The following HIVEP3 variants were observed in gnomAD, a reference collection of about 807,000 sequenced individuals.
HIVEP3 encodes transcription factor HIVEP3.
HIVEP3 carries 49 observed loss-of-function variants against 152.8 expected under a neutral mutation model. The ratio of observed to expected loss-of-function variants is 0.32; its 90% CI spans 0.26 to 0.41. HIVEP3 has a LOEUF of 0.41. Among genes scored for constraint, HIVEP3 ranks in the 10% least tolerant of loss-of-function variants. The pLI is 1.00. For synonymous variants in HIVEP3, 1,269 were observed against 1,289.0 expected, an observed-to-expected ratio of 0.98 and a Z score of 0.33; for missense variants, 2,790 against 3,103.3, an observed-to-expected ratio of 0.90 and a Z score of 2.40.
chr1:41,608,064 A>T (rs1001479553), intron 3 of HIVEP3, among the ~76,000 whole-genome samples: 1 of 152,212 alleles, frequency 6.6e-6, no homozygotes, highest in South Asian at 2.1e-4. Flanking sequence ...GCCCTGCTAA[A>T]ATTTCCATCA....
At position 41,664,428 on chromosome 1, in the gene HIVEP3, C is replaced by T. The variant is rs1006266612; in HGVS notation, c.-720-35481G>A. ...AGAGGTGGCCTGGCCTCAAGGGACC[C>T]TCCCAATGGATTTGGTCACCTTCCA... is the stretch of plus-strand genomic sequence containing the variant. On this transcript the variant is annotated intron_variant, in intron 2 of 8. Transcript: ENST00000372583. The surrounding 1 kb of genome is among the most constrained non-coding windows in gnomAD (Gnocchi z 4.4). Among the ~76,000 whole-genome samples, 7 of 152,208 alleles carry T rather than the reference C, an allele frequency of 4.6e-5. No homozygotes were observed. Among genetic ancestry groups the T allele is most frequent in the Non-Finnish European group, 1.0e-4 (7 of 68,032 alleles).
At chr1:41,769,185 G>A (rs905703776) in intron 1 of HIVEP3, among the ~76,000 whole-genome samples, 4 of 152,214 alleles carry the variant, frequency 2.6e-5, no homozygotes, top group Admixed American at 1.3e-4. Flanking sequence ...AAACAACAGT[G>A]TATCAAAAGC....
At chr1:41,686,245 T>C (rs996743679) in intron 2 of HIVEP3, among the ~76,000 whole-genome samples, 1 of 152,076 alleles carries the variant, frequency 6.6e-6, no homozygotes, top group South Asian at 2.1e-4. Context: ...CTAATTCTTT[T>C]GTATTTTTAG....
intron 1 of HIVEP3, among the ~76,000 whole-genome samples, chr1:41,883,255 C>T (rs1053673254): frequency 6.6e-6 from 1 of 152,092 alleles, no homozygotes; most frequent in African/African-American, 2.4e-5. Context: ...GGGGCAGCTT[C>T]TCAGTGGTCC....
At chr1:41,820,089 G>C (rs570284712) in intron 1 of HIVEP3, among the ~76,000 whole-genome samples, 1 of 152,204 alleles carries the variant, frequency 6.6e-6, no homozygotes, top group African/African-American at 2.4e-5. Context: ...CCACCTGTTA[G>C]ATCAAGCTTT....
rs145048083 is a variant in HIVEP3 at position 41,902,836 on chromosome 1, C to T, written c.-801+15577G>A. 1.3e-3 allele frequency among the ~76,000 whole-genome samples: 191 copies of T among 152,258 alleles called. 1 individual carries two copies. The highest frequency in any genetic ancestry group is 4.3e-3 in the African/African-American group (177 of 41,544). ...TTTAGAATCGTTTCAGTTTCTATTCCGGTAAAGAATCCTTCAAAGAAAGAC... is the reference window on the plus strand; with the variant it reads ...TTTAGAATCGTTTCAGTTTCTATTCTGGTAAAGAATCCTTCAAAGAAAGAC... On this transcript the variant is annotated intron_variant, in intron 1 of 8. Coordinates refer to ENST00000372583, the MANE Select transcript of HIVEP3 (RefSeq NM_024503.5).
rs574610315 is a variant in HIVEP3, at chr1:42,018,023, G to T, written n.119+17784C>A. ...ATTTAATTTGCATTTCTCTGACAAT[G>T]AATGCAATTGATATAACTTTTAACA... On this transcript the variant is annotated intron_variant and non_coding_transcript_variant, in intron 1 of 3. Coordinates refer to the HIVEP3 transcript ENST00000489103. Among the ~76,000 whole-genome samples the T allele has an allele frequency of 2.5e-4, 38 of 152,192 alleles. No individual in the cohort carries two copies. In the South Asian group the frequency reaches 7.3e-3, roughly 29 times the overall value.
At chr1:41,899,655 T>A (rs783626) in intron 1 of HIVEP3, among the ~76,000 whole-genome samples, 95,583 of 152,054 alleles carry the variant, frequency 0.63, 30,162 homozygotes, top group Middle Eastern at 0.67. Context: ...TGATTGTCAC[T>A]CATCCATTAT....
chr1:41,555,576 G>A (rs193210409), intron 5 of HIVEP3, among the ~76,000 whole-genome samples: 9 of 152,292 alleles, frequency 5.9e-5, no homozygotes, highest in South Asian at 2.1e-4. Flanking sequence ...CGTCTTCTGC[G>A]TCGATCACGC....
intron 1 of HIVEP3, among the ~76,000 whole-genome samples, chr1:41,991,639 C>T (rs1374607514): frequency 1.3e-5 from 2 of 151,868 alleles, no homozygotes; most frequent in African/African-American, 4.9e-5. Context: ...TCCTCCCTAA[C>T]TCATTTTATG....
At chr1:41,683,743 A>T (rs1275294291) in intron 2 of HIVEP3, among the ~76,000 whole-genome samples, 2 of 152,190 alleles carry the variant, frequency 1.3e-5, no homozygotes, top group African/African-American at 4.8e-5. Context: ...TAAAAATTCA[A>T]GAGCATGAGT....
At chr1:41,810,824 C>T (rs1650913111) in intron 1 of HIVEP3, among the ~76,000 whole-genome samples, 1 of 152,240 alleles carries the variant, frequency 6.6e-6, no homozygotes, top group South Asian at 2.1e-4. Flanking sequence ...AACTTTTCAC[C>T]TCCAATTTAT....
In HIVEP3 at chr1:41,737,458, G is replaced by T. The variant is rs550688573; in HGVS notation, c.-800-36463C>A. ...GGGTCCCTGACTCTCCAAGACTACAGGTTCAAAGGATCTGCTTCCCCAAAA... is the reference window on the plus strand; with the variant it reads ...GGGTCCCTGACTCTCCAAGACTACATGTTCAAAGGATCTGCTTCCCCAAAA... On this transcript the variant is annotated intron_variant, in intron 1 of 8. Transcript: ENST00000372583. Among the ~76,000 whole-genome samples the T allele has an allele frequency of 2.0e-5, 3 of 152,252 alleles. No individual in the cohort carries two copies. The South Asian group carries it at 6.2e-4, about 32-fold the overall frequency.
intron 1 of HIVEP3, among the ~76,000 whole-genome samples, chr1:41,933,857 C>T (rs1284694797): frequency 6.6e-6 from 1 of 152,078 alleles, no homozygotes; most frequent in East Asian, 1.9e-4. Context: ...AGTCCTGAAG[C>T]AGCAGCCTTC....
chr1:41,922,577 C>A (rs1237887072), upstream of HIVEP3, among the ~76,000 whole-genome samples: 1 of 151,980 alleles, frequency 6.6e-6, no homozygotes, highest in African/African-American at 2.4e-5. Flanking sequence ...ATAAAGCCAA[C>A]AAAATATGTG....
intron 1 of HIVEP3, among the ~76,000 whole-genome samples, chr1:41,793,472 G>A (rs564750035): frequency 9.3e-4 from 142 of 152,308 alleles, no homozygotes; most frequent in African/African-American, 3.2e-3. Flanking sequence ...CCACTGGAGA[G>A]GCTATTAGAA....
intron 1 of HIVEP3, among the ~76,000 whole-genome samples, chr1:41,708,380 T>G (rs1418431890): frequency 6.6e-6 from 1 of 152,126 alleles, no homozygotes; most frequent in Non-Finnish European, 1.5e-5. Flanking sequence ...TGATTTCATT[T>G]GGGGAAATCA....
At chr1:41,891,345 A>T (rs1430060654) in intron 1 of HIVEP3, among the ~76,000 whole-genome samples, 1 of 152,252 alleles carries the variant, frequency 6.6e-6, no homozygotes, top group Non-Finnish European at 1.5e-5. Flanking sequence ...GACAGTTTGC[A>T]TCCAACTGGG....
At chr1:41,934,951 T>C (rs933904329) in intron 1 of HIVEP3, among the ~76,000 whole-genome samples, 11 of 152,228 alleles carry the variant, frequency 7.2e-5, no homozygotes, top group Middle Eastern at 3.4e-3. Flanking sequence ...AATTTCAGAA[T>C]TGTTCATACA....
Sources: gnomAD v4.1 joint callset for allele counts (sites outside exome capture counted in the v4.1 genomes callset) on GRCh38, gnomAD v4.1.1 for gene constraint, Gnocchi (gnomAD v3.1) non-coding constraint, MANE v1.5 for transcripts, NCBI Gene and HGNC (gene_info 2026-07-23, HGNC 2026-07-21) for gene names.